The following USP36 variants were observed in gnomAD, a reference collection of about 807,000 sequenced individuals.
USP36 encodes ubiquitin specific peptidase 36, also known as ubiquitin carboxyl-terminal hydrolase 36.
USP36 carries 59 observed loss-of-function variants against 111.5 expected under a neutral mutation model. That is an observed-to-expected ratio of 0.53 (90% CI 0.43 to 0.66). The LOEUF is 0.66. USP36 is among the 30% of genes least tolerant of loss of function. The probability of loss-of-function intolerance (pLI) is 0.00; values close to 1 mark genes in which losing one functional copy is unlikely to be tolerated. For synonymous variants in USP36, 628 were observed against 581.0 expected, an observed-to-expected ratio of 1.08 and a Z score of -1.16; for missense variants, 1,488 against 1,468.0, an observed-to-expected ratio of 1.01 and a Z score of -0.22.
rs777030818 is a variant in USP36, at chr17:78,807,218, C to T, written c.1826G>A (p.Gly609Asp). The T allele has an allele frequency of 3.7e-6, 6 of 1,613,916 alleles. No individual in the cohort carries two copies. The Admixed American group carries it at 8.3e-5, about 22-fold the overall frequency. The change falls in exon 14 of 21, where the codon GGC (glycine) becomes GAC (aspartate). Residue 609 changes from glycine to aspartate, a missense_variant. Gly to Asp is a moderately conservative substitution (Grantham distance 94, BLOSUM62 -1). This residue lies in a region of USP36 where 1,073 missense variants were observed against 994.1 expected (regional missense o/e 1.08). Transcript: ENST00000449938. ...NDESAGLDRR[G>D]SSSSSPEHSA... ...GTGCTCTGGGCTGGAGCTGCTGGAG[C>T]CCCTCCTGTCGAGGCCAGCGCTCTC...
In USP36 at chr17:78,820,410, C is replaced by G. The variant is rs376368436; in HGVS notation, c.829-398G>C. On this transcript the variant is annotated intron_variant, in intron 8 of 20. Coordinates refer to ENST00000449938, the MANE Select transcript of USP36 (RefSeq NM_001385174.1). Reference sequence around the variant, plus strand: ...GCCTAGAGGTCAACACTACAGTGAGCTATGATTGCGCCACTGCACTCCTGC... The same window carrying G: ...GCCTAGAGGTCAACACTACAGTGAGGTATGATTGCGCCACTGCACTCCTGC... Among the ~76,000 whole-genome samples the G allele has an allele frequency of 7.2e-5, 11 of 152,272 alleles. 1 individual carries two copies. Among genetic ancestry groups the G allele is most frequent in the African/African-American group, 2.2e-4 (9 of 41,542 alleles).
rs746990181 is a variant in USP36, at chr17:78,807,128, T to C, written c.1916A>G (p.Asp639Gly). The change falls in exon 14 of 21, where the codon GAT becomes GGT. Residue 639 changes from aspartate (D) to glycine (G), a missense_variant. Asp to Gly is a moderately conservative substitution (Grantham distance 94). Transcript: ENST00000449938. ...GGTGGAACAGTTCGTTTCCTGAGAA[T>C]CGCAGAGATGGGCCGCTCCACTCCT... ...TPRSGAAHLCDSQETNCSTAG... is the reference protein window; with the variant it reads ...TPRSGAAHLCGSQETNCSTAG... The C allele has an allele frequency of 6.2e-7, 1 of 1,614,228 alleles. No individual in the cohort carries two copies. Among genetic ancestry groups the C allele is most frequent in the Non-Finnish European group, 8.5e-7 (1 of 1,180,036 alleles).
intron 6 of USP36, chr17:78,826,345 TGGCAAAACTC>T (rs995876317): frequency 6.6e-6 from 1 of 152,180 alleles, no homozygotes; most frequent in African/African-American, 2.4e-5. Context: ...CTGGCCAACA[TGGCAAAACTC>T]TGTCTCTACT....
chr17:78,810,447 C>T (rs2094021223), intron 13 of USP36, among the ~76,000 whole-genome samples: 1 of 152,142 alleles, frequency 6.6e-6, no homozygotes, highest in Non-Finnish European at 1.5e-5. Context: ...GCCATTAAAC[C>T]TGGCTAGCTT....
At chr17:78,789,560 G>A (rs1465525514) in intron 3 of USP36, among the ~76,000 whole-genome samples, 4 of 152,218 alleles carry the variant, frequency 2.6e-5, no homozygotes, top group Admixed American at 6.5e-5. Flanking sequence ...GCTGCAAAGC[G>A]AACTGCTCAC....
intron 10 of USP36, among the ~76,000 whole-genome samples, chr17:78,815,308 G>C (rs899151354): frequency 6.6e-6 from 1 of 152,100 alleles, no homozygotes; most frequent in Non-Finnish European, 1.5e-5. Flanking sequence ...CTCCAGCCTC[G>C]CAACAGAGCG....
At position 78,798,586 on chromosome 17, in the gene USP36, A is replaced by G. The variant is rs2093669105; in HGVS notation, c.3241-35T>C. On this transcript the variant is annotated intron_variant, in intron 19 of 20. Coordinates refer to ENST00000449938, the MANE Select transcript of USP36 (RefSeq NM_001385174.1). This position sits in a 1 kb window ranked among gnomAD's most constrained non-coding sequence, Gnocchi z 5.1. ...GAATCACAGGCATCACAGTTCCCAA[A>G]AACGGCTCTTTCCTGGCCCACGGGG... is the stretch of plus-strand genomic sequence containing the variant. The G allele has an allele frequency of 6.2e-7, 1 of 1,608,188 alleles. No individual in the cohort carries two copies. Among genetic ancestry groups the G allele is most frequent in the Non-Finnish European group, 8.5e-7 (1 of 1,179,782 alleles).
At chr17:78,816,805 G>C (rs1340529143) in intron 10 of USP36, among the ~76,000 whole-genome samples, 1 of 152,086 alleles carries the variant, frequency 6.6e-6, no homozygotes, top group African/African-American at 2.4e-5. Context: ...TGAGTTGTGG[G>C]ATTTGTTGAA....
Position 78,803,449 on chromosome 17 carries a change from T to C in USP36, c.2746A>G (p.Arg916Gly). Residue 916 changes from arginine (R) to glycine (G), a missense_variant, in exon 16 of 21, where the codon AGG becomes GGG. Transcript: ENST00000449938. This position sits in a 1 kb window ranked among gnomAD's most constrained non-coding sequence, Gnocchi z 4.6. Reference sequence around the variant, plus strand: ...CCAAGACCTTCTGCTCCTTTCCTCCTCCGCTTCCTGCTGCTCGCGTGGTGG... The same window carrying C: ...CCAAGACCTTCTGCTCCTTTCCTCCCCCGCTTCCTGCTGCTCGCGTGGTGG... Reference protein sequence around the residue: ...DGHHASSRKRRRKGAEGLGEE... With the variant: ...DGHHASSRKRGRKGAEGLGEE... 6.2e-7 allele frequency: 1 copy of C among 1,614,166 alleles called. No individual in the cohort carries two copies. The highest frequency in any genetic ancestry group is 8.5e-7 in the Non-Finnish European group (1 of 1,180,044).
rs2093628482 is a variant in USP36 at position 78,796,334 on chromosome 17, G to T, written c.*1566C>A. On this transcript the variant is annotated 3_prime_UTR_variant, in exon 21 of 21. Coordinates refer to ENST00000449938, the MANE Select transcript of USP36 (RefSeq NM_001385174.1). ...GAACATACCCTGCCCGTGAAGGCAT[G>T]TGCTTTCCCTTCCAGATAAGTTACA... 1.3e-5 allele frequency: 2 copies of T among 152,018 alleles called. No individual in the cohort carries two copies. The highest frequency in any genetic ancestry group is 2.4e-5 in the African/African-American group (1 of 41,358). 9.4% of individuals were successfully genotyped at this position (152,018 alleles called of 1,614,324 possible). A position where few individuals can be genotyped will look rare whatever the true frequency, so the allele number is the denominator to read the frequency against.
intron 6 of USP36, among the ~76,000 whole-genome samples, chr17:78,824,397 C>T (rs1295280420): frequency 6.6e-6 from 1 of 152,154 alleles, no homozygotes; most frequent in African/African-American, 2.4e-5. Context: ...TTCAAAAGGG[C>T]GTATGAAACC....
chr17:78,807,566 C>T lies in USP36; in HGVS notation c.1478G>A (p.Gly493Asp), dbSNP rs780437019. 1.9e-6 allele frequency: 3 copies of T among 1,606,768 alleles called. No individual in the cohort carries two copies. In the Admixed American group the frequency reaches 5.1e-5, roughly 27 times the overall value. The change falls in exon 14 of 21, where the codon GGC becomes GAC. Residue 493 changes from glycine to aspartate, a missense_variant. Around this residue, in one of 3 missense-constraint regions of USP36, gnomAD observed 1,073 missense variants for 994.1 expected, o/e 1.08. Coordinates refer to ENST00000449938, the MANE Select transcript of USP36 (RefSeq NM_001385174.1). ...CTGGGACTTCAGGCCCAGGGTGGAG[C>T]CATTCCTGGATATGGGCACACCAAT... The part of the protein sequence containing the change: ...EEIGVPISRN[G>D]STLGLKSQNG...
chr17:78,827,294 G>A lies in USP36; in HGVS notation c.640C>T (p.Arg214Trp), dbSNP rs780077253. The change falls in exon 6 of 21, where the codon CGG becomes TGG. Residue 214 changes from arginine to tryptophan, a missense_variant. This residue lies in a region of USP36 where 196 missense variants were observed against 264.4 expected (regional missense o/e 0.74). Coordinates refer to ENST00000449938, the MANE Select transcript of USP36 (RefSeq NM_001385174.1). ...TTCTGCATGGCGTCGATGGTGTACCGCAGGAACTCATGCGCGTCCTCCTGG... is the reference window on the plus strand; with the variant it reads ...TTCTGCATGGCGTCGATGGTGTACCACAGGAACTCATGCGCGTCCTCCTGG... ...GNQEDAHEFL[R>W]YTIDAMQKAC... The A allele has an allele frequency of 4.3e-6, 7 of 1,613,866 alleles. No individual in the cohort carries two copies. Among genetic ancestry groups the A allele is most frequent in the African/African-American group, 2.7e-5 (2 of 74,926 alleles).
At position 78,798,634 on chromosome 17, in the gene USP36, G is replaced by C; in HGVS notation, c.3241-83C>G. 6.3e-7 allele frequency: 1 copy of C among 1,587,002 alleles called. No homozygotes were observed. The highest frequency in any genetic ancestry group is 8.5e-7 in the Non-Finnish European group (1 of 1,170,798). On this transcript the variant is annotated intron_variant, in intron 19 of 20. Transcript: ENST00000449938. This position sits in a 1 kb window ranked among gnomAD's most constrained non-coding sequence, Gnocchi z 5.1. ...GGGCTCCATGCTGCATGCAGGTCCTGCACACAGGCCGGGCTCTCATGAGCT... is the reference window on the plus strand; with the variant it reads ...GGGCTCCATGCTGCATGCAGGTCCTCCACACAGGCCGGGCTCTCATGAGCT...
rs747063989 is a variant in USP36, at chr17:78,807,032, C to A, written c.2012G>T (p.Ser671Ile). The change falls in exon 14 of 21, where the codon AGC (serine) becomes ATC (isoleucine). Residue 671 changes from serine (S) to isoleucine (I), a missense_variant. Around this residue, in one of 3 missense-constraint regions of USP36, gnomAD observed 1,073 missense variants for 994.1 expected, o/e 1.08. Coordinates refer to ENST00000449938, the MANE Select transcript of USP36 (RefSeq NM_001385174.1). ...KTVKLKSPVLSNTTTEPASTM... is the reference protein window; with the variant it reads ...KTVKLKSPVLINTTTEPASTM... ...GCTTGCAGGCTCAGTGGTGGTGTTG[C>A]TCAGGACAGGGGACTTCAGCTTCAC... The A allele has an allele frequency of 3.1e-6, 5 of 1,614,218 alleles. No homozygotes were observed. Among genetic ancestry groups the A allele is most frequent in the Non-Finnish European group, 4.2e-6 (5 of 1,180,036 alleles).
intron 13 of USP36, among the ~76,000 whole-genome samples, chr17:78,812,294 G>A (rs930642581): frequency 1.3e-5 from 2 of 152,304 alleles, no homozygotes; most frequent in South Asian, 4.1e-4. Context: ...GGTCTCATGA[G>A]TAGAACAGAT....
chr17:78,790,999 G>C (rs1349393305), downstream of USP36, among the ~76,000 whole-genome samples: 1 of 152,190 alleles, frequency 6.6e-6, no homozygotes, highest in Admixed American at 6.5e-5. Flanking sequence ...GACATGTATC[G>C]TGAGAGTGAC....
At chr17:78,794,799 A>C (rs560081715), downstream of USP36, among the ~76,000 whole-genome samples, 1 of 152,036 alleles carries the variant, frequency 6.6e-6, no homozygotes, top group South Asian at 2.1e-4. Context: ...CAAGGTCAGG[A>C]GTTAAGAGAC....
chr17:78,812,714 A>AAAAAG (rs1458594219), intron 13 of USP36, 146 bp downstream of exon 13: 12 of 868,766 alleles, frequency 1.4e-5, no homozygotes, highest in Non-Finnish European at 1.9e-5. Flanking sequence ...AAAAAAAAAA[A>AAAAAG]AAAAGAAAAG....
Sources: allele counts gnomAD v4.1 joint callset (sites outside exome capture counted in the v4.1 genomes callset), GRCh38; gene constraint gnomAD v4.1.1; regional missense constraint gnomAD v4.1.1; non-coding constraint Gnocchi (gnomAD v3.1); transcripts MANE v1.5; gene names NCBI Gene and HGNC (gene_info 2026-07-23, HGNC 2026-07-21).